ANKFN1: variants seen among roughly 807,000 people sequenced by gnomAD.
ANKFN1 encodes ankyrin repeat and fibronectin type-III domain-containing protein 1.
A neutral mutation model predicts 108.7 loss-of-function variants in ANKFN1; 74 were observed. That is an observed-to-expected ratio of 0.68 (90% CI 0.56 to 0.83). The LOEUF is 0.83. Among genes scored for constraint, ANKFN1 ranks in the 40% least tolerant of loss-of-function variants. The pLI, the probability that ANKFN1 is intolerant of heterozygous loss-of-function variation, is 0.00. For synonymous variants in ANKFN1, 547 were observed against 516.2 expected (o/e 1.06, Z -0.81); for missense variants, 1,505 against 1,382.3 (o/e 1.09, Z -1.41).
At chr17:56,159,033 C>CAAAAAAAAAAA (rs57878541) in intron 1 of ANKFN1, among the ~76,000 whole-genome samples, 3 of 71,006 alleles carry the variant, frequency 4.2e-5, no homozygotes, top group East Asian at 5.1e-4. Flanking sequence ...TGGTCTAGGC[C>CAAAAAAAAAAA]AAAAAAAAAA....
chr17:56,057,132 T>A (rs1436785659), intron 4 of ANKFN1, among the ~76,000 whole-genome samples: 1 of 152,252 alleles, frequency 6.6e-6, no homozygotes, highest in Non-Finnish European at 1.5e-5. Context: ...AGATTTATCA[T>A]GAGATTGCAG....
chr17:56,341,629 A>C (rs2045961450), intron 4 of ANKFN1, among the ~76,000 whole-genome samples: 1 of 152,088 alleles, frequency 6.6e-6, no homozygotes, highest in African/African-American at 2.4e-5. Flanking sequence ...CATATGTTGA[A>C]CCAACTTTGC....
chr17:56,094,072 G>A (rs1053381780), intron 4 of ANKFN1, among the ~76,000 whole-genome samples: 1 of 151,204 alleles, frequency 6.6e-6, no homozygotes, highest in Non-Finnish European at 1.5e-5. Context: ...GACCATAAAG[G>A]CAGAGAGCAG....
chr17:56,443,115 G>A (rs2049168151), intron 10 of ANKFN1, among the ~76,000 whole-genome samples, 182 bp downstream of exon 10: 1 of 152,186 alleles, frequency 6.6e-6, no homozygotes, highest in Non-Finnish European at 1.5e-5. Context: ...AAGCAGCTCA[G>A]TGGAGTAAAA....
upstream of ANKFN1, among the ~76,000 whole-genome samples, chr17:56,152,965 C>T (rs1292905194): frequency 6.6e-6 from 1 of 152,220 alleles, no homozygotes; most frequent in Non-Finnish European, 1.5e-5. Context: ...CAGACAGCTC[C>T]TCCAACCAAT....
At chr17:56,240,212 G>A (rs1917473861) in intron 3 of ANKFN1, among the ~76,000 whole-genome samples, 1 of 151,898 alleles carries the variant, frequency 6.6e-6, no homozygotes, top group African/African-American at 2.4e-5. Context: ...TCACAATCCT[G>A]TATGCTTATC....
chr17:56,368,509 A>G (rs1216167564), intron 6 of ANKFN1, among the ~76,000 whole-genome samples: 1 of 150,920 alleles, frequency 6.6e-6, no homozygotes, highest in East Asian at 2.0e-4. Flanking sequence ...CAAACTCCCA[A>G]CCTCAGGTGA....
intron 7 of ANKFN1, 145 bp downstream of exon 7, chr17:56,372,985 G>A: frequency 1.3e-6 from 1 of 794,826 alleles, no homozygotes; most frequent in South Asian, 2.0e-5. Flanking sequence ...GGCTCTGAGA[G>A]GCTGTCAAAG....
chr17:56,311,481 G>A (rs973212233), intron 3 of ANKFN1, among the ~76,000 whole-genome samples: 3 of 152,262 alleles, frequency 2.0e-5, no homozygotes, highest in African/African-American at 4.8e-5. Flanking sequence ...ACTACCCTGA[G>A]TACGTTATAT....
chr17:56,182,725 G>A (rs72831982), intron 1 of ANKFN1, among the ~76,000 whole-genome samples: 7,272 of 152,254 alleles, frequency 0.048, 194 homozygotes, highest in Middle Eastern at 0.085. Flanking sequence ...TTCAATGTAG[G>A]AAAACTAGCC....
At chr17:56,068,903 C>G (rs539227613) in intron 4 of ANKFN1, among the ~76,000 whole-genome samples, 1 of 152,078 alleles carries the variant, frequency 6.6e-6, no homozygotes, top group Non-Finnish European at 1.5e-5. Context: ...TTCTAAAACC[C>G]TCTTTGAAAT....
Position 56,250,384 on chromosome 17 carries a change from A to C in ANKFN1, c.53+22427A>C, listed in dbSNP as rs115985414. Among the ~76,000 whole-genome samples, 1,247 of 152,356 alleles carry C rather than the reference A, an allele frequency of 8.2e-3. 18 individuals are homozygous for C. Among genetic ancestry groups the C allele is most frequent in the African/African-American group, 0.028 (1,148 of 41,584 alleles). ...GCTATTGAAAAAGAAGGGCAGAGTC[A>C]TGTCTGCCATAGGCACACTAGGGGA... On this transcript the variant is annotated intron_variant, in intron 3 of 20. Coordinates refer to ENST00000682825, the MANE Select transcript of ANKFN1 (RefSeq NM_001370326.1).
chr17:56,152,136 A>ACTATGGAAG (rs1376698392), upstream of ANKFN1, among the ~76,000 whole-genome samples: 2 of 152,152 alleles, frequency 1.3e-5, no homozygotes, highest in African/African-American at 4.8e-5. Context: ...TGTAAAAAGT[A>ACTATGGAAG]CTATGGAAGC....
chr17:56,069,010 A>C (rs920757526), intron 4 of ANKFN1, among the ~76,000 whole-genome samples: 1 of 152,208 alleles, frequency 6.6e-6, no homozygotes, highest in African/African-American at 2.4e-5. Context: ...TAGGGAGTTA[A>C]AATGATTCAA....
intron 3 of ANKFN1, among the ~76,000 whole-genome samples, chr17:56,242,951 C>A (rs1214133301): frequency 1.3e-5 from 2 of 151,878 alleles, no homozygotes; most frequent in African/African-American, 4.8e-5. Flanking sequence ...TTCTGTGTTC[C>A]TTTCATGTGA....
At chr17:56,485,416 A>G (rs536071666) in intron 18 of ANKFN1, among the ~76,000 whole-genome samples, 118 of 152,330 alleles carry the variant, frequency 7.7e-4, no homozygotes, top group Non-Finnish European at 1.3e-3. Context: ...TTAGAGTAAG[A>G]GTGTGCTTGG....
chr17:56,197,014 C>T (rs976432456), intron 1 of ANKFN1, among the ~76,000 whole-genome samples: 21 of 152,186 alleles, frequency 1.4e-4, no homozygotes, highest in Admixed American at 1.0e-3. Flanking sequence ...TTTCCTAGTA[C>T]TTCATAAAAA....
intron 8 of ANKFN1, among the ~76,000 whole-genome samples, chr17:56,411,019 G>C (rs567782538): frequency 2.2e-4 from 34 of 152,070 alleles, no homozygotes; most frequent in African/African-American, 8.0e-4. Context: ...CAAATTTTAG[G>C]GTTGTTTCTT....
chr17:56,318,146 C>T (rs2144490781), intron 3 of ANKFN1, among the ~76,000 whole-genome samples: 1 of 152,096 alleles, frequency 6.6e-6, no homozygotes, highest in South Asian at 2.1e-4. Flanking sequence ...ATTTTTTGGC[C>T]TGCCTCTGCA....
Sources: allele counts gnomAD v4.1 joint callset (sites outside exome capture counted in the v4.1 genomes callset), GRCh38; gene constraint gnomAD v4.1.1; transcripts MANE v1.5; gene names NCBI Gene and HGNC (gene_info 2026-07-23, HGNC 2026-07-21).